Variants in UPF2 observed in about 807,000 individuals in gnomAD.
The protein encoded by UPF2 is UPF2 regulator of nonsense mediated mRNA decay, also known as regulator of nonsense transcripts 2.
UPF2 carries 17 observed loss-of-function variants against 141.4 expected under a neutral mutation model. The observed-to-expected ratio is 0.12, with a 90% CI of 0.08 to 0.18. UPF2 has a LOEUF of 0.18. Among genes scored for constraint, UPF2 ranks in the 10% least tolerant of loss-of-function variants. UPF2 has a pLI of 1.00. For missense variants in UPF2, 1,152 were observed against 1,515.9 expected, an observed-to-expected ratio of 0.76 and a Z score of 3.99; for synonymous variants, 540 against 498.0, an observed-to-expected ratio of 1.08 and a Z score of -1.12.
In UPF2 at chr10:11,956,130, C is replaced by G. The variant is rs1567029; in HGVS notation, c.2574+190G>C. Among the ~76,000 whole-genome samples, 8,945 of 145,382 alleles carry G rather than the reference C, an allele frequency of 0.062. 328 individuals are homozygous for G. Among genetic ancestry groups the G allele is most frequent in the Non-Finnish European group, 0.086 (5,715 of 66,788 alleles). ...CCAGTGCACTCCAGCCTGGGTGACA[C>G]AGCGAGACTCAGTCTCAAAAAAAAA... On this transcript the variant is annotated intron_variant, in intron 13 of 21. Transcript: ENST00000357604. This position sits in a 1 kb window ranked among gnomAD's most constrained non-coding sequence, Gnocchi z 4.2.
chr10:11,925,554 C>T (rs1003607327), intron 21 of UPF2, among the ~76,000 whole-genome samples: 7 of 152,278 alleles, frequency 4.6e-5, no homozygotes, highest in African/African-American at 1.7e-4. Flanking sequence ...CAACATGAGA[C>T]TTGGTCCCAG....
intron 17 of UPF2, 52 bp from the exon 18 acceptor site, chr10:11,942,815 T>C: frequency 1.3e-6 from 2 of 1,547,596 alleles, no homozygotes; most frequent in Non-Finnish European, 1.8e-6. Context: ...CTGTAATGTT[T>C]TCTAGGGCAA....
chr10:11,937,250 A>T (rs1056740877), intron 18 of UPF2, among the ~76,000 whole-genome samples: 1 of 152,252 alleles, frequency 6.6e-6, no homozygotes, highest in South Asian at 2.1e-4. Context: ...TTTCCAACCA[A>T]TTAATTAAAT....
At chr10:11,955,648 T>C in intron 13 of UPF2, 141 bp from the exon 14 acceptor site, 2 of 847,176 alleles carry the variant, frequency 2.4e-6, no homozygotes, top group Non-Finnish European at 3.5e-6. Context: ...TCTAATAAAC[T>C]GGTTACTTCT....
chr10:11,925,708 A>C (rs935162678), intron 21 of UPF2, among the ~76,000 whole-genome samples: 6 of 152,260 alleles, frequency 3.9e-5, no homozygotes, highest in African/African-American at 1.4e-4. Context: ...CAGGACCCGA[A>C]GGAGCAGGAG....
intron 15 of UPF2, among the ~76,000 whole-genome samples, chr10:11,949,926 T>G (rs1311397155): frequency 6.6e-6 from 1 of 152,136 alleles, no homozygotes; most frequent in Non-Finnish European, 1.5e-5. Context: ...TTAAGTAAAT[T>G]ATGGCACATA....
In UPF2 at chr10:11,997,692, G is replaced by A. The variant is rs1262080439; in HGVS notation, c.1824C>T (p.Leu608=). ...CTTACCTTTGTCTAGGAACTATGAAGAGTGCCCGTACCAACTTCTTCCTGT... is the reference window on the plus strand; with the variant it reads ...CTTACCTTTGTCTAGGAACTATGAAAAGTGCCCGTACCAACTTCTTCCTGT... ...KANRKKLVRA[L]FIVPRQRLDL... The change falls in exon 8 of 22, where the codon CTC becomes CTT. Residue 608 remains leucine (L), a synonymous_variant. Transcript: ENST00000357604. 1 of 1,613,780 alleles carries A rather than the reference G, an allele frequency of 6.2e-7. No individual in the cohort carries two copies. Among genetic ancestry groups the A allele is most frequent in the African/African-American group, 1.3e-5 (1 of 75,016 alleles).
At chr10:11,991,498 G>A (rs987679107) in intron 8 of UPF2, among the ~76,000 whole-genome samples, 11 of 151,878 alleles carry the variant, frequency 7.2e-5, no homozygotes, top group African/African-American at 2.7e-4. Context: ...AATGGAAAGG[G>A]CATGAAGAAG....
At chr10:11,930,101 A>G (rs1832764959) in intron 20 of UPF2, 116 bp from the exon 21 acceptor site, 2 of 1,424,622 alleles carry the variant, frequency 1.4e-6, no homozygotes, top group South Asian at 2.7e-5. Context: ...GGAGCTGACT[A>G]AAGAAAAATA....
intron 3 of UPF2, among the ~76,000 whole-genome samples, chr10:12,021,379 A>AAT (rs112914825): frequency 0.38 from 56,623 of 147,118 alleles, 13,222 homozygotes; most frequent in Non-Finnish European, 0.51. Context: ...AAAAAAAAAA[A>AAT]TTTTTTTAAA....
intron 9 of UPF2, among the ~76,000 whole-genome samples, 173 bp from the exon 10 acceptor site, chr10:11,967,627 G>A (rs1833343284): frequency 7.0e-6 from 1 of 142,170 alleles, no homozygotes; most frequent in Non-Finnish European, 1.5e-5. Flanking sequence ...TTGGCTCACT[G>A]CAACCTCCGC....
rs149343499 is a variant in UPF2 at position 12,031,604 on chromosome 10, T to A, written c.366-2080A>T. Among the ~76,000 whole-genome samples, 30 of 152,126 alleles carry A rather than the reference T, an allele frequency of 2.0e-4. No individual in the cohort carries two copies. In the East Asian group the frequency reaches 2.7e-3, roughly 14 times the overall value. Reference sequence around the variant, plus strand: ...GACTGGGCAACATAGTAAGACCCAATCTCTACAAAAAAATTTTAAAAATTA... The same window carrying A: ...GACTGGGCAACATAGTAAGACCCAAACTCTACAAAAAAATTTTAAAAATTA... On this transcript the variant is annotated intron_variant, in intron 2 of 21. Coordinates refer to ENST00000357604, the MANE Select transcript of UPF2 (RefSeq NM_015542.4).
At chr10:11,976,395 A>G (rs563635927) in intron 9 of UPF2, among the ~76,000 whole-genome samples, 2 of 152,264 alleles carry the variant, frequency 1.3e-5, no homozygotes, top group Non-Finnish European at 2.9e-5. Context: ...GACAGCATCA[A>G]ATGAATTTAG....
chr10:12,022,571 C>A (rs1161919894), intron 3 of UPF2, among the ~76,000 whole-genome samples: 2 of 152,076 alleles, frequency 1.3e-5, no homozygotes, highest in African/African-American at 2.4e-5. Flanking sequence ...GTCATTTAAA[C>A]ACAATTAGAA....
rs1238132956 is a variant in UPF2, at chr10:12,011,482, C to A, written c.1306+2542G>T. On this transcript the variant is annotated intron_variant, in intron 4 of 21. Transcript: ENST00000357604. ...GCTTGGTGGCGCATATCTGTAGTCC[C>A]AGTTATTGCTTGGGAGGCTGAGGCA... is the stretch of plus-strand genomic sequence containing the variant. Among the ~76,000 whole-genome samples, 6 of 151,738 alleles carry A rather than the reference C, an allele frequency of 4.0e-5. No homozygotes were observed. The East Asian group carries it at 1.2e-3, about 30-fold the overall frequency.
chr10:11,981,462 C>A (rs1342848882), intron 8 of UPF2, among the ~76,000 whole-genome samples: 1 of 152,060 alleles, frequency 6.6e-6, no homozygotes, highest in African/African-American at 2.4e-5. Flanking sequence ...TGTAGTATTA[C>A]CGCAATAATT....
At position 11,936,282 on chromosome 10, in the gene UPF2, A is replaced by G. The variant is rs1832849046; in HGVS notation, c.3546+263T>C. ...CTACTCAGGAGGCTGAGGCAGAAGA[A>G]TCGTTTGAACCTGGGAGGAGGAGGT... On this transcript the variant is annotated intron_variant, in intron 19 of 21. Transcript: ENST00000357604. The surrounding 1 kb of genome is among the most constrained non-coding windows in gnomAD (Gnocchi z 6.6). Among the ~76,000 whole-genome samples the G allele has an allele frequency of 6.6e-6, 1 of 152,064 alleles. No homozygotes were observed. Among genetic ancestry groups the G allele is most frequent in the Middle Eastern group, 3.2e-3 (1 of 316 alleles).
intron 16 of UPF2, among the ~76,000 whole-genome samples, chr10:11,943,864 TTTC>T (rs1245117994): frequency 1.3e-5 from 2 of 151,642 alleles, no homozygotes; most frequent in Admixed American, 1.3e-4. Flanking sequence ...TCAGCTGAAA[TTTC>T]TTGTCAAACA....
chr10:11,978,232 G>A (rs1237767394), intron 9 of UPF2, among the ~76,000 whole-genome samples: 1 of 152,216 alleles, frequency 6.6e-6, no homozygotes, highest in Admixed American at 6.5e-5. Flanking sequence ...GAGAGAAAGC[G>A]TGTGCGGACA....
Sources: allele counts gnomAD v4.1 joint callset (sites outside exome capture counted in the v4.1 genomes callset), GRCh38; gene constraint gnomAD v4.1.1; non-coding constraint Gnocchi (gnomAD v3.1); transcripts MANE v1.5; gene names NCBI Gene and HGNC (gene_info 2026-07-23, HGNC 2026-07-21).